The following BUD23 variants were observed in gnomAD, a reference collection of about 807,000 sequenced individuals.
The protein encoded by BUD23 is BUD23 rRNA methyltransferase and ribosome maturation factor.
In BUD23, 34 loss-of-function variants were observed where a neutral mutation model predicts 47.0. The ratio of observed to expected loss-of-function variants is 0.72; its 90% CI spans 0.55 to 0.96. The LOEUF is 0.96. Among genes scored for constraint, BUD23 ranks in the 40% least tolerant of loss-of-function variants. The pLI is 0.00. For synonymous variants in BUD23, 124 were observed against 132.0 expected (o/e 0.94, Z 0.41); for missense variants, 343 against 361.2 (o/e 0.95, Z 0.41).
Position 73,686,737 on chromosome 7 carries a change from AT to A in BUD23, c.182+8del, listed in dbSNP as rs1554613059. The A allele has an allele frequency of 1.2e-6, 2 of 1,614,076 alleles. No individual in the cohort carries two copies. The highest frequency in any genetic ancestry group is 3.3e-5 in the Admixed American group (2 of 59,990). The stretch of plus-strand genomic sequence containing the variant: ...TGTTACCTGCTGGATATTGGGTGAG[AT>A]TCTGGGGCCTGGTTCAGATTGTCTA... On this transcript the variant is annotated splice_region_variant and intron_variant, in intron 3 of 11. Transcript: ENST00000265758.
At chr7:73,684,846 C>T (rs1316474607) in intron 2 of BUD23, among the ~76,000 whole-genome samples, 1 of 137,390 alleles carries the variant, frequency 7.3e-6, no homozygotes, top group African/African-American at 2.7e-5. Context: ...ATAGCTTGAA[C>T]CCGGGAGGGG....
At position 73,687,575 on chromosome 7, in the gene BUD23, T is replaced by C. The variant is rs190633117; in HGVS notation, c.362+480T>C. Among the ~76,000 whole-genome samples the C allele has an allele frequency of 3.5e-3, 527 of 152,204 alleles. 1 individual carries two copies. Among genetic ancestry groups the C allele is most frequent in the South Asian group, 9.5e-3 (46 of 4,824 alleles). On this transcript the variant is annotated intron_variant, in intron 5 of 11. Transcript: ENST00000265758. ...CAGGTGTGAGCCACCGTGCACAGCC[T>C]AACTTTTTTTGTATTTGTTGTAGAG...
chr7:73,692,000 G>C (rs1039111700), intron 6 of BUD23, among the ~76,000 whole-genome samples: 2 of 151,904 alleles, frequency 1.3e-5, no homozygotes, highest in Non-Finnish European at 2.9e-5. Context: ...TGCACCTGCC[G>C]ATCTGGCCAC....
rs148856639 is a variant in BUD23 at position 73,697,605 on chromosome 7, G to A, written c.702G>A (p.Arg234=). Residue 234 remains arginine, a splice_region_variant and synonymous_variant, in exon 11 of 12, where the codon AGG becomes AGA. Coordinates refer to ENST00000265758, the MANE Select transcript of BUD23 (RefSeq NM_017528.5). The stretch of plus-strand genomic sequence containing the variant: ...GCTCATAGCTGTGTCTCCGCCACAG[G>A]TTCCCATTAAGGATGTCGAGGCGGG... ...EPRESVFTNE[R]FPLRMSRRGM... The A allele has an allele frequency of 6.2e-6, 10 of 1,613,470 alleles. No individual in the cohort carries two copies. The highest frequency in any genetic ancestry group is 2.7e-5 in the African/African-American group (2 of 74,912).
chr7:73,694,560 C>T (rs1267215615), intron 10 of BUD23: 1 of 153,032 alleles, frequency 6.5e-6, no homozygotes, highest in African/African-American at 2.4e-5. Context: ...TTCTTCCCCT[C>T]CCACCATTCT....
At chr7:73,693,770 G>C in intron 9 of BUD23, 101 bp downstream of exon 9, 1 of 1,521,052 alleles carries the variant, frequency 6.6e-7, no homozygotes. Context: ...TGGGGAAGCA[G>C]GGCCCAGCCC....
At chr7:73,685,608 A>G (rs1381281964) in intron 2 of BUD23, among the ~76,000 whole-genome samples, 5 of 151,936 alleles carry the variant, frequency 3.3e-5, no homozygotes, top group Admixed American at 6.5e-5. Context: ...GAGTTTTGCT[A>G]TGTTGCCCAG....
In BUD23 at chr7:73,697,868, G is replaced by A. The variant is rs782433420; in HGVS notation, c.828G>A (p.Lys276=). The change falls in exon 12 of 12, where the codon AAG becomes AAA. Residue 276 remains lysine, a synonymous_variant. Transcript: ENST00000265758. ...CTGACACCCAGTACACCGGCCGCAA[G>A]CGCAAGCCCCGCTTCTAAGTCACCA... ...VRPDTQYTGR[K]RKPRF 1.9e-6 allele frequency: 3 copies of A among 1,613,976 alleles called. No homozygotes were observed. Among genetic ancestry groups the A allele is most frequent in the East Asian group, 4.5e-5 (2 of 44,888 alleles).
chr7:73,692,554 A>G (rs782630757), intron 6 of BUD23, 42 bp from the exon 7 acceptor site: 2 of 1,603,750 alleles, frequency 1.2e-6, no homozygotes, highest in Non-Finnish European at 1.7e-6. Flanking sequence ...CCCTAAGCTC[A>G]TGCAGTCATT....
chr7:73,684,784 C>A (rs1797882784), intron 2 of BUD23, among the ~76,000 whole-genome samples: 1 of 151,158 alleles, frequency 6.6e-6, no homozygotes, highest in South Asian at 2.1e-4. Context: ...ATTAGCCGGG[C>A]GCGATGGCGG....
chr7:73,683,936 TTC>T, intron 2 of BUD23, 132 bp downstream of exon 2: 3 of 1,577,774 alleles, frequency 1.9e-6, no homozygotes, highest in Middle Eastern at 1.7e-4. Context: ...GGGTGCCGAT[TTC>T]TGTCTCTGGT....
chr7:73,694,305 C>T (rs1798311818), intron 10 of BUD23: 1 of 430,330 alleles, frequency 2.3e-6, no homozygotes, highest in Non-Finnish European at 4.1e-6. Context: ...CCTTGCCACG[C>T]CTGGCAGGCT....
rs573386492 is a variant in BUD23, at chr7:73,694,345, C to T, written c.701+295C>T. On this transcript the variant is annotated intron_variant, in intron 10 of 11. Coordinates refer to ENST00000265758, the MANE Select transcript of BUD23 (RefSeq NM_017528.5). ...CCTTCTTTTCTGATGCTGCCCTCCA[C>T]CTGCATCTGGGACCCTCTCCCTTGG... The T allele has an allele frequency of 1.4e-5, 5 of 351,564 alleles. No homozygotes were observed. The East Asian group carries it at 1.8e-4, about 12-fold the overall frequency. The allele number at this position is 351,564 out of a possible 1,614,324, so 21.8% of individuals were successfully genotyped here.
chr7:73,684,034 T>C, intron 2 of BUD23: 1 of 1,409,224 alleles, frequency 7.1e-7, no homozygotes, highest in Non-Finnish European at 9.3e-7. Context: ...CCGTGGGTGG[T>C]TTTCAAAGTC....
intron 2 of BUD23, among the ~76,000 whole-genome samples, chr7:73,684,619 G>A (rs1797872004): frequency 7.3e-6 from 1 of 137,502 alleles, no homozygotes; most frequent in Non-Finnish European, 1.5e-5. Context: ...AAAAAAAAAG[G>A]GGGGGGGATG....
chr7:73,685,004 C>A (rs543132557), intron 2 of BUD23, among the ~76,000 whole-genome samples: 72 of 145,108 alleles, frequency 5.0e-4, no homozygotes, highest in African/African-American at 1.7e-3. Flanking sequence ...GAGACTAGCC[C>A]TATTTCAGTA....
At chr7:73,691,724 CAAG>C (rs1326076551) in intron 6 of BUD23, among the ~76,000 whole-genome samples, 5 of 151,972 alleles carry the variant, frequency 3.3e-5, no homozygotes, top group Non-Finnish European at 7.4e-5. Flanking sequence ...TTCAGCTTCT[CAAG>C]TAGTTTGGAC....
At chr7:73,692,851 C>CA (rs1798246665) in intron 7 of BUD23, 2 of 571,516 alleles carry the variant, frequency 3.5e-6, no homozygotes, top group East Asian at 5.7e-5. Context: ...CTTCTCTTGG[C>CA]AGATGACATG....
chr7:73,688,188 G>A (rs1226064322), intron 5 of BUD23, among the ~76,000 whole-genome samples: 2 of 151,962 alleles, frequency 1.3e-5, no homozygotes, highest in Admixed American at 6.6e-5. Flanking sequence ...GAGCCACCGC[G>A]CCCAGCCTAA....
Sources: gnomAD v4.1 joint callset for allele counts (sites outside exome capture counted in the v4.1 genomes callset) on GRCh38, gnomAD v4.1.1 for gene constraint, MANE v1.5 for transcripts, NCBI Gene and HGNC (gene_info 2026-07-23, HGNC 2026-07-21) for gene names.